The following AKAP13 variants were observed in gnomAD, a reference collection of about 807,000 sequenced individuals.
AKAP13 encodes A-kinase anchoring protein 13.
A neutral mutation model predicts 264.5 loss-of-function variants in AKAP13; 80 were observed. That is an observed-to-expected ratio of 0.30 (90% CI 0.25 to 0.36). The LOEUF is 0.36. Ranked by LOEUF, AKAP13 falls within the 10% of genes least tolerant of loss-of-function variation. AKAP13 has a pLI of 1.00. For missense variants in AKAP13, 3,712 were observed against 3,435.2 expected, an observed-to-expected ratio of 1.08 and a Z score of -2.01; for synonymous variants, 1,380 against 1,250.2, an observed-to-expected ratio of 1.10 and a Z score of -2.19.
chr15:85,570,095 A>AAC (rs1489007066), intron 5 of AKAP13, among the ~76,000 whole-genome samples: 1 of 149,136 alleles, frequency 6.7e-6, no homozygotes, highest in Non-Finnish European at 1.5e-5. Context: ...AAAAAAAAAA[A>AAC]CCACTGGATT....
At chr15:85,471,348 A>T (rs764578880) in intron 1 of AKAP13, among the ~76,000 whole-genome samples, 40 of 152,122 alleles carry the variant, frequency 2.6e-4, no homozygotes, top group Non-Finnish European at 5.4e-4. Context: ...ACAAAAAATT[A>T]GCCGGGTGTG....
intron 18 of AKAP13, among the ~76,000 whole-genome samples, chr15:85,710,222 C>G (rs892535087): frequency 6.6e-6 from 1 of 152,124 alleles, no homozygotes; most frequent in South Asian, 2.1e-4. Flanking sequence ...CTGGGGAAGA[C>G]GGACAGTTAC....
At chr15:85,461,818 G>T (rs1381030993) in intron 1 of AKAP13, among the ~76,000 whole-genome samples, 1 of 152,132 alleles carries the variant, frequency 6.6e-6, no homozygotes, top group African/African-American at 2.4e-5. Flanking sequence ...TTGTAGTAAA[G>T]CTAAGATGTT....
chr15:85,439,098 C>A (rs2073484790), intron 1 of AKAP13, among the ~76,000 whole-genome samples: 1 of 151,704 alleles, frequency 6.6e-6, no homozygotes, highest in Non-Finnish European at 1.5e-5. Context: ...CCAGAATCTA[C>A]AATGAACTCA....
intron 8 of AKAP13, among the ~76,000 whole-genome samples, chr15:85,590,352 T>A (rs1458126159): frequency 6.6e-6 from 1 of 152,232 alleles, no homozygotes; most frequent in Admixed American, 6.5e-5. Flanking sequence ...CGAGTGGCAC[T>A]ACCAAGGATT....
intron 1 of AKAP13, among the ~76,000 whole-genome samples, chr15:85,426,251 C>G (rs982051073): frequency 2.6e-5 from 4 of 152,154 alleles, no homozygotes; most frequent in Admixed American, 1.3e-4. Flanking sequence ...ATTACGAGAC[C>G]TTGAATTAAT....
At chr15:85,449,578 T>C (rs2074012833) in intron 1 of AKAP13, among the ~76,000 whole-genome samples, 1 of 152,234 alleles carries the variant, frequency 6.6e-6, no homozygotes, top group African/African-American at 2.4e-5. Context: ...TGGCTCTTAC[T>C]ATTTTGAGGT....
intron 17 of AKAP13, among the ~76,000 whole-genome samples, chr15:85,704,443 G>A (rs778237205): frequency 3.9e-5 from 6 of 152,150 alleles, no homozygotes; most frequent in Non-Finnish European, 8.8e-5. Flanking sequence ...GATCTGTGGT[G>A]GTTGGTGGCA....
At chr15:85,415,522 A>C in intron 1 of AKAP13, 1 of 1,513,034 alleles carries the variant, frequency 6.6e-7, no homozygotes, top group Non-Finnish European at 9.1e-7. Flanking sequence ...CAACATCAGG[A>C]GTGGGATGGG....
chr15:85,403,568 C>G (rs2150846303), intron 1 of AKAP13, among the ~76,000 whole-genome samples: 1 of 152,250 alleles, frequency 6.6e-6, no homozygotes, highest in South Asian at 2.1e-4. Flanking sequence ...AGGTCGGGCG[C>G]AGTGGCTCAT....
intron 8 of AKAP13, among the ~76,000 whole-genome samples, chr15:85,617,292 C>T (rs143695646): frequency 2.4e-4 from 36 of 152,104 alleles, no homozygotes; most frequent in Admixed American, 2.1e-3. Context: ...TTGCCAGGCT[C>T]GAGTGCAGTG....
Position 85,744,871 on chromosome 15 carries a change from C to T in AKAP13, c.*194C>T. 1.9e-6 allele frequency: 1 copy of T among 522,074 alleles called. No individual in the cohort carries two copies. Among genetic ancestry groups the T allele is most frequent in the Admixed American group, 3.7e-5 (1 of 26,862 alleles). The allele number at this position is 522,074 out of a possible 1,614,324, so 32.3% of individuals were successfully genotyped here. A position where few individuals can be genotyped will look rare whatever the true frequency, so the allele number is the denominator to read the frequency against. On this transcript the variant is annotated 3_prime_UTR_variant, in exon 37 of 37. Coordinates refer to ENST00000394518, the MANE Select transcript of AKAP13 (RefSeq NM_007200.5). ...TCGGGTGGGGAAGGAGGCCCAGACTCTGCTTCGGCCATGATTTGTGACTGC... is the reference window on the plus strand; with the variant it reads ...TCGGGTGGGGAAGGAGGCCCAGACTTTGCTTCGGCCATGATTTGTGACTGC...
chr15:85,644,693 C>CAAAAAAAAAA (rs1161365911), intron 9 of AKAP13, among the ~76,000 whole-genome samples: 100 of 103,852 alleles, frequency 9.6e-4, no homozygotes, highest in African/African-American at 1.8e-3. Flanking sequence ...ACTAAAAATA[C>CAAAAAAAAAA]AAAAAAAAAA....
intron 2 of AKAP13, among the ~76,000 whole-genome samples, chr15:85,500,271 G>A (rs1242178624): frequency 2.0e-5 from 3 of 152,164 alleles, no homozygotes; most frequent in Non-Finnish European, 4.4e-5. Flanking sequence ...AACCACTGTA[G>A]CCTAGTGCTT....
At chr15:85,528,103 G>A (rs1325433083) in intron 3 of AKAP13, among the ~76,000 whole-genome samples, 1 of 152,194 alleles carries the variant, frequency 6.6e-6, no homozygotes, top group Non-Finnish European at 1.5e-5. Flanking sequence ...TTCTTGGGCT[G>A]TGCTTCAGCA....
chr15:85,555,854 G>A (rs1446436724), intron 5 of AKAP13, among the ~76,000 whole-genome samples: 2 of 152,174 alleles, frequency 1.3e-5, no homozygotes, highest in African/African-American at 4.8e-5. Context: ...TGGTTTGGAT[G>A]CTGTAACCTT....
intron 17 of AKAP13, among the ~76,000 whole-genome samples, chr15:85,703,852 A>AT (rs1186867571): frequency 1.1e-3 from 146 of 134,484 alleles, no homozygotes; most frequent in African/African-American, 2.4e-3. Flanking sequence ...CAAAAAAAAA[A>AT]AATATATATA....
chr15:85,744,671 C>T lies in AKAP13; in HGVS notation c.8436C>T (p.Phe2812=), dbSNP rs749047956. The T allele has an allele frequency of 3.7e-6, 6 of 1,608,688 alleles. No individual in the cohort carries two copies. The Admixed American group carries it at 8.4e-5, about 23-fold the overall frequency. ...SEVSAEGEEI[F]C is the part of the protein sequence containing the mutation. ...TATCAGCAGAGGGTGAAGAGATCTT[C>T]TGCTGACCCTCTTCCTCTCTGCTGA... Residue 2812 remains phenylalanine (F), a synonymous_variant, in exon 37 of 37, where the codon TTC becomes TTT. Transcript: ENST00000394518.
chr15:85,429,534 C>G (rs777246068), intron 1 of AKAP13, among the ~76,000 whole-genome samples: 1 of 152,226 alleles, frequency 6.6e-6, no homozygotes, highest in Non-Finnish European at 1.5e-5. Flanking sequence ...TAACCTCCCT[C>G]TGGCCTTCAG....
Sources: allele counts gnomAD v4.1 joint callset (sites outside exome capture counted in the v4.1 genomes callset), GRCh38; gene constraint gnomAD v4.1.1; transcripts MANE v1.5; gene names NCBI Gene and HGNC (gene_info 2026-07-23, HGNC 2026-07-21).